HNRNPAB: variants seen among roughly 807,000 people sequenced by gnomAD.
HNRNPAB encodes the protein ABBP-1.
HNRNPAB carries 17 observed loss-of-function variants against 44.1 expected under a neutral mutation model. That is an observed-to-expected ratio of 0.39 (90% confidence interval 0.26 to 0.58). The LOEUF is 0.58. HNRNPAB is among the 20% of genes least tolerant of loss of function. The pLI is 0.63. For synonymous variants in HNRNPAB, 183 were observed against 167.6 expected (o/e 1.09, Z -0.71); for missense variants, 393 against 432.7 (o/e 0.91, Z 0.81).
chr5:178,210,362 G>A, intron 7 of HNRNPAB, 90 bp downstream of exon 7: 1 of 1,597,398 alleles, frequency 6.3e-7, no homozygotes, highest in Non-Finnish European at 8.5e-7. Flanking sequence ...CAGGGGCTTT[G>A]GAGTCAGACA....
chr5:178,205,316 G>C (rs1226959411), intron 2 of HNRNPAB, among the ~76,000 whole-genome samples: 1 of 151,586 alleles, frequency 6.6e-6, no homozygotes, highest in Non-Finnish European at 1.5e-5. Context: ...GCAGGGGCGG[G>C]CGGATGGCCC....
intron 7 of HNRNPAB, 48 bp downstream of exon 7, chr5:178,210,320 G>C: frequency 6.2e-7 from 1 of 1,612,890 alleles, no homozygotes; most frequent in Non-Finnish European, 8.5e-7. Flanking sequence ...TCGTCCCCAG[G>C]GGAGGCAGGA....
rs1758030226 is a variant in HNRNPAB at position 178,210,746 on chromosome 5, A to G, written c.*123A>G. The G allele has an allele frequency of 1.3e-6, 1 of 751,270 alleles. No individual in the cohort carries two copies. The highest frequency in any genetic ancestry group is 1.7e-5 in the African/African-American group (1 of 57,848). 46.5% of individuals were successfully genotyped at this position (751,270 alleles called of 1,614,324 possible). A position where few individuals can be genotyped will look rare whatever the true frequency, so the allele number is the denominator to read the frequency against. ...TGCCTGTCCCATGTGCATCTTATTT[A>G]AAATTTCCCCCATGGAAATCACTCT... On this transcript the variant is annotated 3_prime_UTR_variant, in exon 8 of 8. Transcript: ENST00000358344.
chr5:178,209,676 G>T (rs1390580555), intron 6 of HNRNPAB, among the ~76,000 whole-genome samples: 2 of 152,116 alleles, frequency 1.3e-5, no homozygotes, highest in South Asian at 2.1e-4. Context: ...GAGCATTTGT[G>T]TTACACTCTG....
Position 178,210,224 on chromosome 5 carries a change from G to A in HNRNPAB, c.880G>A (p.Asp294Asn), listed in dbSNP as rs199566621. The part of the protein sequence containing the change: ...QGYGPGYGGY[D>N]YSPYGYYGYG... The stretch of plus-strand genomic sequence containing the variant: ...CTACGGGCCTGGCTATGGCGGCTAC[G>A]ACTACTCGCCCTATGGCTATTACGG... Residue 294 changes from aspartate (D) to asparagine (N), a missense_variant, in exon 7 of 8, where the codon GAC (aspartate) becomes AAC (asparagine). Transcript: ENST00000358344. 19 of 1,613,270 alleles carry A rather than the reference G, an allele frequency of 1.2e-5. No homozygotes were observed. The highest frequency in any genetic ancestry group is 1.2e-4 in the Admixed American group (7 of 60,006).
At chr5:178,206,050 G>A (rs755039742) in intron 3 of HNRNPAB, 40 bp downstream of exon 3, 1 of 1,563,934 alleles carries the variant, frequency 6.4e-7, no homozygotes, top group Non-Finnish European at 8.8e-7. Flanking sequence ...CAGTGGAAAC[G>A]ATTTGAATTC....
rs1756977604 is a variant in HNRNPAB at position 178,204,797 on chromosome 5, T to C, written c.-23-18T>C. The stretch of plus-strand genomic sequence containing the variant: ...CGGGAGCCGCGCCGGCCTGACGCGC[T>C]GTCGCCGCTGGTTGCAGGAGCCGCC... On this transcript the variant is annotated intron_variant, in intron 1 of 7. Transcript: ENST00000358344. 7.6e-6 allele frequency: 9 copies of C among 1,183,412 alleles called. No individual in the cohort carries two copies. Among genetic ancestry groups the C allele is most frequent in the Non-Finnish European group, 8.4e-6 (8 of 951,130 alleles). 73.3% of individuals were successfully genotyped at this position (1,183,412 alleles called of 1,614,324 possible).
In HNRNPAB at chr5:178,205,147, C is replaced by G. The variant is rs1282421463; in HGVS notation, c.209+101C>G. On this transcript the variant is annotated intron_variant, in intron 2 of 7. Transcript: ENST00000358344. The stretch of plus-strand genomic sequence containing the variant: ...GGAGGGGCGGCGGCCTGGCCCGGGT[C>G]GGGGCTGGTGCGGCCCGCGGACTGT... The G allele has an allele frequency of 1.1e-6, 1 of 887,344 alleles. No homozygotes were observed. The highest frequency in any genetic ancestry group is 1.8e-5 in the African/African-American group (1 of 56,418). The allele number at this position is 887,344 out of a possible 1,614,324, so 55.0% of individuals were successfully genotyped here.
At chr5:178,205,256 C>T (rs1273380130) in intron 2 of HNRNPAB, among the ~76,000 whole-genome samples, 2 of 150,994 alleles carry the variant, frequency 1.3e-5, no homozygotes, top group African/African-American at 4.8e-5. Context: ...TTGGCGCCGC[C>T]CCGGGGCCGC....
At chr5:178,206,580 G>C (rs1204762727) in intron 3 of HNRNPAB, 152 bp from the exon 4 acceptor site, 1 of 744,572 alleles carries the variant, frequency 1.3e-6, no homozygotes, top group Non-Finnish European at 2.3e-6. Flanking sequence ...CTTGAGGTTT[G>C]ATGAAAATTG....
chr5:178,209,202 C>T (rs1329976383), intron 5 of HNRNPAB, 128 bp from the exon 6 acceptor site: 2 of 789,532 alleles, frequency 2.5e-6, no homozygotes, highest in Non-Finnish European at 4.4e-6. Context: ...GCCTCCCATA[C>T]TAGCATATTT....
In HNRNPAB at chr5:178,209,690, G is replaced by GA. The variant is rs147721633; in HGVS notation, c.787+244dup. Among the ~76,000 whole-genome samples the GA allele has an allele frequency of 9.4e-4, 143 of 152,280 alleles. 2 individuals carry two copies. In the East Asian group the frequency reaches 0.025, roughly 27 times the overall value. On this transcript the variant is annotated intron_variant, in intron 6 of 7. Transcript: ENST00000358344. ...AGAGCATTTGTGTTACACTCTGGGG[G>GA]AGGGGATGTGATGGGTGTCTTGGCT...
Position 178,209,312 on chromosome 5 carries a change from T to C in HNRNPAB, c.670-18T>C, listed in dbSNP as rs1436582318. 1.2e-6 allele frequency: 2 copies of C among 1,608,568 alleles called. No individual in the cohort carries two copies. The highest frequency in any genetic ancestry group is 2.2e-5 in the South Asian group (2 of 90,976). ...GAGTTTGTCCTACTGGCCTGACCAC[T>C]GTCCTCTTGACTTTTAGTGTGAGAT... On this transcript the variant is annotated intron_variant, in intron 5 of 7. Coordinates refer to ENST00000358344, the MANE Select transcript of HNRNPAB (RefSeq NM_031266.3).
At chr5:178,208,388 T>TA (rs1242069229) in intron 5 of HNRNPAB, 1 of 152,202 alleles carries the variant, frequency 6.6e-6, no homozygotes, top group Non-Finnish European at 1.5e-5. Flanking sequence ...TGGACAGTGA[T>TA]AGAGGCCTTT....
intron 2 of HNRNPAB, 120 bp downstream of exon 2, chr5:178,205,166 G>A (rs1756990152): frequency 1.5e-6 from 1 of 665,554 alleles, no homozygotes; most frequent in Non-Finnish European, 2.0e-6. Flanking sequence ...TGCGGCCCGC[G>A]GACTGTCGCC....
intron 3 of HNRNPAB, among the ~76,000 whole-genome samples, chr5:178,206,342 C>G (rs1327136898): frequency 1.3e-5 from 2 of 152,148 alleles, no homozygotes; most frequent in African/African-American, 4.8e-5. Flanking sequence ...TTTTACAGGA[C>G]AAAAACCAAA....
intron 3 of HNRNPAB, 126 bp from the exon 4 acceptor site, chr5:178,206,606 C>A: frequency 1.1e-6 from 1 of 938,762 alleles, no homozygotes; most frequent in Non-Finnish European, 1.6e-6. Context: ...GGAGGTTAAG[C>A]TGGGGTAGAA....
chr5:178,206,750 C>T lies in HNRNPAB; in HGVS notation c.397C>T (p.His133Tyr). 6.2e-7 allele frequency: 1 copy of T among 1,613,890 alleles called. No individual in the cohort carries two copies. The highest frequency in any genetic ancestry group is 8.5e-7 in the Non-Finnish European group (1 of 1,180,016). Residue 133 changes from histidine to tyrosine, a missense_variant, in exon 4 of 8, where the codon CAC becomes TAC. Coordinates refer to ENST00000358344, the MANE Select transcript of HNRNPAB (RefSeq NM_031266.3). ...SVEKVLDQKE[H>Y]RLDGRVIDPK... ...GGAACAGGTCCTAGACCAGAAGGAG[C>T]ACAGGCTGGATGGCCGTGTCATTGA...
intron 7 of HNRNPAB, 102 bp from the exon 8 acceptor site, chr5:178,210,451 T>G (rs1757881761): frequency 6.7e-6 from 10 of 1,489,354 alleles, no homozygotes; most frequent in Non-Finnish European, 9.3e-6. Flanking sequence ...AGGCAGTCTC[T>G]GCTGTCACGG....
Sources: allele counts gnomAD v4.1 joint callset (sites outside exome capture counted in the v4.1 genomes callset), GRCh38; gene constraint gnomAD v4.1.1; transcripts MANE v1.5; gene names NCBI Gene and HGNC (gene_info 2026-07-23, HGNC 2026-07-21).